DMBT1: variants seen among roughly 807,000 people sequenced by gnomAD.
The protein encoded by DMBT1 is scavenger receptor cysteine-rich domain-containing protein DMBT1.
A neutral mutation model predicts 252.9 loss-of-function variants in DMBT1; 198 were observed. The ratio of observed to expected loss-of-function variants is 0.78; its 90% CI spans 0.70 to 0.88. The LOEUF (loss-of-function observed/expected upper bound fraction) is 0.88, where lower values mean the gene tolerates loss of function less well. Ranked by LOEUF, DMBT1 falls within the 40% of genes least tolerant of loss-of-function variation. The pLI is 0.00. For missense variants in DMBT1, 2,432 were observed against 2,404.7 expected (o/e 1.01, Z -0.24); for synonymous variants, 990 against 942.7 (o/e 1.05, Z -0.92).
chr10:122,629,801 G>A lies in DMBT1; in HGVS notation c.5669-39G>A, dbSNP rs547020222. 5 of 1,599,894 alleles carry A rather than the reference G, an allele frequency of 3.1e-6. No individual in the cohort carries two copies. The South Asian group carries it at 5.6e-5, about 18-fold the overall frequency. On this transcript the variant is annotated intron_variant, in intron 46 of 55. Coordinates refer to ENST00000338354, the MANE Select transcript of DMBT1 (RefSeq NM_001377530.1). ...GATTCCTTGTCACAAAATACCTGAAGACCTGGTACAATGGAGATGTCCCCT... is the reference window on the plus strand; with the variant it reads ...GATTCCTTGTCACAAAATACCTGAAAACCTGGTACAATGGAGATGTCCCCT...
chr10:122,598,066 G>GT lies in DMBT1; in HGVS notation c.2956+60dup, dbSNP rs111282249. ...GCTCACTCTCTACCTCTGGACAAAT[G>GT]TTTTTTCTGAAAATGATAGGATGAG... On this transcript the variant is annotated intron_variant, in intron 25 of 55. Transcript: ENST00000338354. The GT allele has an allele frequency of 7.4e-4, 1,192 of 1,611,534 alleles. 8 individuals carry two copies. In the African/African-American group the frequency reaches 0.011, roughly 15 times the overall value.
chr10:122,576,037 C>G (rs1033781078), intron 6 of DMBT1, among the ~76,000 whole-genome samples: 4 of 152,186 alleles, frequency 2.6e-5, no homozygotes, highest in Admixed American at 6.5e-5. Context: ...CCCGGGACAT[C>G]TTGATGTTAT....
Position 122,634,386 on chromosome 10 carries a change from TTC to T in DMBT1, c.6548+1047_6548+1048del, listed in dbSNP as rs1491046378. On this transcript the variant is annotated intron_variant, in intron 52 of 55. Coordinates refer to ENST00000338354, the MANE Select transcript of DMBT1 (RefSeq NM_001377530.1). ...TTTCTTTCTTTCTTTCTTTCTTTCT[TTC>T]TTTCTTTCTTTCTTTTCTTTCTTTC... 4.0e-3 allele frequency among the ~76,000 whole-genome samples: 568 copies of T among 142,822 alleles called. 10 individuals are homozygous for T. Among genetic ancestry groups the T allele is most frequent in the African/African-American group, 0.014 (533 of 38,042 alleles). 93.7% of individuals were successfully genotyped at this position (142,822 alleles called of 152,430 possible). A position where few individuals can be genotyped will look rare whatever the true frequency, so the allele number is the denominator to read the frequency against.
chr10:122,586,306 A>G lies in DMBT1; in HGVS notation c.1706A>G (p.Tyr569Cys). Reference protein sequence around the residue: ...DDVRCSGNESYLWSCPHNGWL... With the variant: ...DDVRCSGNESCLWSCPHNGWL... ...GTGCGCTGCTCAGGGAATGAGTCCT[A>G]CTTGTGGAGCTGCCCCCACAATGGC... Residue 569 changes from tyrosine (Y) to cysteine (C), a missense_variant, in exon 16 of 56, where the codon TAC becomes TGC. Transcript: ENST00000338354. 2 of 1,588,632 alleles carry G rather than the reference A, an allele frequency of 1.3e-6. No individual in the cohort carries two copies. Among genetic ancestry groups the G allele is most frequent in the African/African-American group, 1.3e-5 (1 of 74,602 alleles).
intron 41 of DMBT1, among the ~76,000 whole-genome samples, chr10:122,618,914 C>A (rs747014739): frequency 6.6e-6 from 1 of 152,240 alleles, no homozygotes; most frequent in Non-Finnish European, 1.5e-5. Flanking sequence ...GTGGGGAGGG[C>A]AGCCCCCATG....
chr10:122,638,573 C>G (rs1407488562), intron 54 of DMBT1, among the ~76,000 whole-genome samples: 1 of 152,202 alleles, frequency 6.6e-6, no homozygotes, highest in African/African-American at 2.4e-5. Context: ...TCCAGAGTAG[C>G]TGGGACTATA....
chr10:122,630,449 A>C lies in DMBT1; in HGVS notation c.5984A>C (p.Gln1995Pro). 1 of 1,614,034 alleles carries C rather than the reference A, an allele frequency of 6.2e-7. No individual in the cohort carries two copies. The highest frequency in any genetic ancestry group is 8.5e-7 in the Non-Finnish European group (1 of 1,179,900). ...CACTTTCGAAGTGACATCAGTTTCC[A>C]AAACACTGGCTTTTTGGCTTGGTAT... ...TIHFRSDISF[Q>P]NTGFLAWYNS... is the part of the protein sequence containing the mutation. Residue 1995 changes from glutamine to proline, a missense_variant, in exon 48 of 56, where the codon CAA becomes CCA. Physicochemically the swap from Gln to Pro is moderately conservative, Grantham distance 76. Transcript: ENST00000338354.
intron 2 of DMBT1, 131 bp downstream of exon 2, chr10:122,566,127 G>C (rs556484823): frequency 4.6e-5 from 43 of 929,250 alleles, no homozygotes; most frequent in Admixed American, 8.1e-5. Flanking sequence ...CAGGAATGCC[G>C]GGGGGACAGG....
intron 8 of DMBT1, 124 bp from the exon 9 acceptor site, chr10:122,578,594 G>A (rs1262863829): frequency 2.5e-6 from 2 of 796,102 alleles, no homozygotes; most frequent in African/African-American, 1.7e-5. Flanking sequence ...CACATGGGGA[G>A]CAAGTGGCCA....
chr10:122,626,676 G>A (rs1203566683), intron 46 of DMBT1, among the ~76,000 whole-genome samples: 1 of 152,136 alleles, frequency 6.6e-6, no homozygotes, highest in Non-Finnish European at 1.5e-5. Context: ...TAAAATTATG[G>A]AATGATGTAA....
At position 122,592,291 on chromosome 10, in the gene DMBT1, C is replaced by A; in HGVS notation, c.2196C>A (p.Thr732=). The A allele has an allele frequency of 6.3e-7, 1 of 1,587,198 alleles. No homozygotes were observed. Among genetic ancestry groups the A allele is most frequent in the Non-Finnish European group, 8.6e-7 (1 of 1,165,578 alleles). Reference sequence around the variant, plus strand: ...CTGTAGGATCTGAATCCAGTTTGACCCTGAGGCTGGTGAATGGAAGTGACA... The same window carrying A: ...CTGTAGGATCTGAATCCAGTTTGACACTGAGGCTGGTGAATGGAAGTGACA... ...PSTVGSESSL[T]LRLVNGSDRC... Residue 732 remains threonine, a synonymous_variant, in exon 20 of 56, where the codon ACC becomes ACA. Transcript: ENST00000338354.
chr10:122,624,594 T>A (rs1591509406), intron 44 of DMBT1, among the ~76,000 whole-genome samples: 2 of 152,150 alleles, frequency 1.3e-5, no homozygotes, highest in Non-Finnish European at 2.9e-5. Flanking sequence ...CAGGGCCAGG[T>A]GGAGGTCCTG....
At chr10:122,641,987 G>A (rs1844621418) in intron 55 of DMBT1, among the ~76,000 whole-genome samples, 1 of 152,106 alleles carries the variant, frequency 6.6e-6, no homozygotes, top group South Asian at 2.1e-4. Flanking sequence ...ATTCTGAGGT[G>A]GAGTCATGGC....
chr10:122,571,212 C>A (rs994864403), intron 4 of DMBT1, among the ~76,000 whole-genome samples: 62 of 152,278 alleles, frequency 4.1e-4, no homozygotes, highest in African/African-American at 1.4e-3. Flanking sequence ...GTAGTACTGC[C>A]CCTTTTCATA....
intron 52 of DMBT1, among the ~76,000 whole-genome samples, chr10:122,634,560 G>A (rs1428766320): frequency 6.7e-6 from 1 of 149,118 alleles, no homozygotes; most frequent in African/African-American, 2.5e-5. Flanking sequence ...GTAGTGGCAC[G>A]GTCTCGGCTC....
At chr10:122,621,670 C>G (rs776354468) in intron 44 of DMBT1, among the ~76,000 whole-genome samples, 1 of 152,166 alleles carries the variant, frequency 6.6e-6, no homozygotes, top group African/African-American at 2.4e-5. Context: ...CTCCATTTCT[C>G]CCCTACTGAG....
At chr10:122,618,427 A>C in intron 41 of DMBT1, 87 bp downstream of exon 41, 1 of 1,595,972 alleles carries the variant, frequency 6.3e-7, no homozygotes, top group Non-Finnish European at 8.5e-7. Context: ...CTCCTCACTC[A>C]AAGCTTTTTC....
intron 41 of DMBT1, 145 bp from the exon 42 acceptor site, chr10:122,619,163 A>T: frequency 9.5e-7 from 1 of 1,057,758 alleles, no homozygotes; most frequent in Non-Finnish European, 1.5e-6. Flanking sequence ...TCTCTGTGGG[A>T]ATTTACATGG....
chr10:122,572,526 C>G (rs528934469), intron 5 of DMBT1, among the ~76,000 whole-genome samples, 165 bp downstream of exon 5: 71 of 152,260 alleles, frequency 4.7e-4, no homozygotes, highest in African/African-American at 1.6e-3. Flanking sequence ...AACTCTGAGT[C>G]CATATCACCA....
Sources: allele counts gnomAD v4.1 joint callset (sites outside exome capture counted in the v4.1 genomes callset), GRCh38; gene constraint gnomAD v4.1.1; transcripts MANE v1.5; gene names NCBI Gene and HGNC (gene_info 2026-07-23, HGNC 2026-07-21).